FBN1: variants seen among roughly 807,000 people sequenced by gnomAD.
FBN1 encodes fibrillin-1.
In FBN1, 29 loss-of-function variants were observed where a neutral mutation model predicts 365.1. The ratio of observed to expected loss-of-function variants is 0.08; its 90% CI spans 0.06 to 0.11. The LOEUF is 0.11. Among genes scored for constraint, FBN1 ranks in the 10% least tolerant of loss-of-function variants. FBN1 has a pLI of 1.00. For missense variants in FBN1, 2,476 were observed against 3,703.2 expected (o/e 0.67, Z 8.60); for synonymous variants, 1,210 against 1,270.5 (o/e 0.95, Z 1.01).
chr15:48,567,870 TAAC>T (rs1014409801), intron 6 of FBN1, among the ~76,000 whole-genome samples: 1 of 151,730 alleles, frequency 6.6e-6, no homozygotes, highest in African/African-American at 2.4e-5. Context: ...AATGGCGAAA[TAAC>T]AAATGCTTTC....
intron 2 of FBN1, among the ~76,000 whole-genome samples, chr15:48,613,528 CTA>C (rs1323854047): frequency 1.3e-5 from 2 of 152,098 alleles, no homozygotes; most frequent in Admixed American, 6.5e-5. Flanking sequence ...CATCTCACCT[CTA>C]TAATTTTACA....
chr15:48,542,781 ATGTGTGTGTGTGTGTGTGTGTGTG>A (rs58728910), intron 6 of FBN1, among the ~76,000 whole-genome samples: 18 of 130,662 alleles, frequency 1.4e-4, no homozygotes, highest in African/African-American at 4.5e-4. Context: ...GGACTCTAAG[ATGTGTGTGTGTGTGTGTGTGTGTG>A]TGTGTGTGTG....
In FBN1 at chr15:48,470,624, G is replaced by A; in HGVS notation, c.4459+10C>T. The A allele has an allele frequency of 6.2e-7, 1 of 1,613,814 alleles. No individual in the cohort carries two copies. The highest frequency in any genetic ancestry group is 8.5e-7 in the Non-Finnish European group (1 of 1,179,996). On this transcript the variant is annotated intron_variant, in intron 36 of 65. Transcript: ENST00000316623. ...CAGGGAGCTGATTTTGATGCCAGTG[G>A]AGGTCTTACCTGTGCAGTTCCCGCC...
At chr15:48,437,257 A>G (rs2043080738) in intron 52 of FBN1, 65 bp downstream of exon 52, 6 of 1,465,696 alleles carry the variant, frequency 4.1e-6, no homozygotes, top group Non-Finnish European at 5.7e-6. Context: ...AAAAATAAGA[A>G]TAACTAGAGA....
Position 48,432,846 on chromosome 15 carries a change from C to T in FBN1, c.6739+20G>A. 6.2e-7 allele frequency: 1 copy of T among 1,613,332 alleles called. No homozygotes were observed. The highest frequency in any genetic ancestry group is 8.5e-7 in the Non-Finnish European group (1 of 1,179,436). On this transcript the variant is annotated intron_variant, in intron 55 of 65. Coordinates refer to ENST00000316623, the MANE Select transcript of FBN1 (RefSeq NM_000138.5). ...AGATAAAGCTTCCTGGCTTAGATGA[C>T]CTTGAACACGATGACTCACCTTTGC...
intron 6 of FBN1, among the ~76,000 whole-genome samples, chr15:48,559,058 C>T (rs531120611): frequency 6.6e-6 from 1 of 152,258 alleles, no homozygotes; most frequent in African/African-American, 2.4e-5. Flanking sequence ...CAACACATGC[C>T]CCAAGAGTTT....
At chr15:48,540,305 A>G (rs2044048196) in intron 6 of FBN1, among the ~76,000 whole-genome samples, 1 of 152,154 alleles carries the variant, frequency 6.6e-6, no homozygotes, top group Admixed American at 6.5e-5. Context: ...TTGATAACGT[A>G]TTGATTATAT....
chr15:48,557,218 GT>G (rs1020942969), intron 6 of FBN1, among the ~76,000 whole-genome samples: 23 of 152,168 alleles, frequency 1.5e-4, no homozygotes, highest in African/African-American at 5.6e-4. Context: ...GATCAGAAAG[GT>G]TTTTAGAGAA....
chr15:48,533,170 T>C (rs1231578451), intron 8 of FBN1, among the ~76,000 whole-genome samples: 1 of 152,202 alleles, frequency 6.6e-6, no homozygotes, highest in Non-Finnish European at 1.5e-5. Context: ...GGGGCATAAA[T>C]ATAACAGCAT....
At chr15:48,594,324 C>T (rs555428840) in intron 6 of FBN1, among the ~76,000 whole-genome samples, 18 of 152,260 alleles carry the variant, frequency 1.2e-4, no homozygotes, top group East Asian at 1.9e-4. Flanking sequence ...CTGCTACTAA[C>T]GGGCAAGCCT....
intron 27 of FBN1, among the ~76,000 whole-genome samples, chr15:48,487,880 T>G (rs1190124924): frequency 6.6e-6 from 1 of 152,186 alleles, no homozygotes; most frequent in Non-Finnish European, 1.5e-5. Flanking sequence ...GGTATCCATT[T>G]CAGGTGTTAA....
intron 6 of FBN1, among the ~76,000 whole-genome samples, chr15:48,545,946 C>T (rs534281479): frequency 1.3e-5 from 2 of 151,810 alleles, no homozygotes; most frequent in Non-Finnish European, 2.9e-5. Flanking sequence ...GATCGCTTGC[C>T]GTAGTGAGCC....
At chr15:48,466,720 G>C (rs1652100715) in intron 38 of FBN1, among the ~76,000 whole-genome samples, 1 of 151,974 alleles carries the variant, frequency 6.6e-6, no homozygotes, top group Admixed American at 6.6e-5. Flanking sequence ...CTATTGTTTT[G>C]CTACTGTCAT....
chr15:48,575,923 C>A (rs1170343107), intron 6 of FBN1, among the ~76,000 whole-genome samples: 1 of 151,722 alleles, frequency 6.6e-6, no homozygotes, highest in Non-Finnish European at 1.5e-5. Context: ...AAAGCATTAT[C>A]CTAAGTAAAA....
chr15:48,456,735 C>T lies in FBN1; in HGVS notation c.5324G>A (p.Gly1775Glu). Residue 1775 changes from glycine to glutamate, a missense_variant, in exon 44 of 66, where the codon GGG (glycine) becomes GAG (glutamate). Physicochemically the swap from Gly to Glu is moderately conservative, Grantham distance 98 (BLOSUM62 -2). Transcript: ENST00000316623. ...VDIDECREIP[G>E]VCENGVCINM... ...GATACACACTCCATTTTCACAGACC[C>T]CTGGGATCTCCCGGCACTCATCAAT... The T allele has an allele frequency of 6.2e-7, 1 of 1,613,798 alleles. No homozygotes were observed. The highest frequency in any genetic ancestry group is 8.5e-7 in the Non-Finnish European group (1 of 1,179,808).
At chr15:48,558,476 C>A (rs1309822833) in intron 6 of FBN1, among the ~76,000 whole-genome samples, 1 of 152,160 alleles carries the variant, frequency 6.6e-6, no homozygotes, top group Admixed American at 6.5e-5. Context: ...CATCTTACAG[C>A]CCAGTCAAGC....
At position 48,444,600 on chromosome 15, in the gene FBN1, T is replaced by C; in HGVS notation, c.5978A>G (p.Asp1993Gly). 6.2e-7 allele frequency: 1 copy of C among 1,613,650 alleles called. No individual in the cohort carries two copies. The highest frequency in any genetic ancestry group is 8.5e-7 in the Non-Finnish European group (1 of 1,179,706). ...TGGGCAAATGCATCTGTAGGACCCATCCAAGTTTTGACAGGTACCTGGTGC... is the reference window on the plus strand; with the variant it reads ...TGGGCAAATGCATCTGTAGGACCCACCCAAGTTTTGACAGGTACCTGGTGC... ...KCAPGTCQNLDGSYRCICPPG... is the reference protein window; with the variant it reads ...KCAPGTCQNLGGSYRCICPPG... Residue 1993 changes from aspartate (D) to glycine (G), a missense_variant, in exon 49 of 66, where the codon GAT becomes GGT. By Grantham distance (94) the Asp-to-Gly change is moderately conservative. Transcript: ENST00000316623.
chr15:48,599,717 T>C, intron 5 of FBN1, among the ~76,000 whole-genome samples: 1 of 152,122 alleles, frequency 6.6e-6, no homozygotes, highest in African/African-American at 2.4e-5. Flanking sequence ...ATACCACCAA[T>C]CAAGATAAAG....
At position 48,483,933 on chromosome 15, in the gene FBN1, C is replaced by T; in HGVS notation, c.3723G>A (p.Glu1241=). ...PDQRSCTDID[E]CEDNPNICDG... The stretch of plus-strand genomic sequence containing the variant: ...CACAGATATTGGGATTATCTTCACA[C>T]TCATCGATGTCTGCAAAGAATAAAA... The change falls in exon 31 of 66, where the codon GAG becomes GAA. Residue 1241 remains glutamate (E), a synonymous_variant. Transcript: ENST00000316623. 1 of 1,613,092 alleles carries T rather than the reference C, an allele frequency of 6.2e-7. No individual in the cohort carries two copies. Among genetic ancestry groups the T allele is most frequent in the Non-Finnish European group, 8.5e-7 (1 of 1,179,964 alleles).
Sources: gnomAD v4.1 joint callset for allele counts (sites outside exome capture counted in the v4.1 genomes callset) on GRCh38, gnomAD v4.1.1 for gene constraint, MANE v1.5 for transcripts, NCBI Gene and HGNC (gene_info 2026-07-23, HGNC 2026-07-21) for gene names.